The following CNTN6 variants were observed in gnomAD, a reference collection of about 807,000 sequenced individuals.
The protein encoded by CNTN6 is contactin 6, also known as contactin-6.
Under a neutral mutation model 122.8 loss-of-function variants are expected in CNTN6, and 137 were observed. The observed-to-expected ratio is 1.12, with a 90% CI of 0.97 to 1.29. CNTN6 has a LOEUF of 1.29. CNTN6 is among the 50% of genes most tolerant of loss of function. The pLI is 0.00. For synonymous variants in CNTN6, 570 were observed against 426.0 expected, an observed-to-expected ratio of 1.34 and a Z score of -4.16; for missense variants, 1,634 against 1,223.4, an observed-to-expected ratio of 1.34 and a Z score of -5.01.
At chr3:1,266,544 T>A (rs1386412784) in intron 4 of CNTN6, among the ~76,000 whole-genome samples, 1 of 152,246 alleles carries the variant, frequency 6.6e-6, no homozygotes, top group Non-Finnish European at 1.5e-5. Flanking sequence ...CCAGGAGCTC[T>A]GTCCCATTAC....
intron 20 of CNTN6, among the ~76,000 whole-genome samples, chr3:1,387,104 TTATC>T (rs1174590081): frequency 2.0e-5 from 3 of 151,226 alleles, no homozygotes; most frequent in East Asian, 3.8e-4. Flanking sequence ...TTTCATGTTC[TTATC>T]TATTTATTAA....
intron 2 of CNTN6, among the ~76,000 whole-genome samples, chr3:1,186,330 G>C (rs934518483): frequency 3.3e-5 from 5 of 151,974 alleles, no homozygotes; most frequent in Admixed American, 6.6e-5. Context: ...GTTATCGTCA[G>C]CTCAAACCCG....
chr3:1,136,642 G>T (rs2092482521), intron 1 of CNTN6, among the ~76,000 whole-genome samples: 1 of 152,088 alleles, frequency 6.6e-6, no homozygotes, highest in Non-Finnish European at 1.5e-5. Flanking sequence ...ACAACTCAGG[G>T]TGGGAGTCCT....
At chr3:1,298,151 C>G in intron 7 of CNTN6, 160 bp downstream of exon 7, 1 of 582,062 alleles carries the variant, frequency 1.7e-6, no homozygotes, top group African/African-American at 1.9e-5. Flanking sequence ...ACAAACATGT[C>G]TAATACTGAG....
chr3:1,218,522 T>TAA (rs1285877485), intron 2 of CNTN6, among the ~76,000 whole-genome samples: 1 of 150,946 alleles, frequency 6.6e-6, no homozygotes, highest in African/African-American at 2.4e-5. Flanking sequence ...GGTATAGGAG[T>TAA]AAAACTGGGA....
chr3:1,128,565 T>C (rs980549681), intron 1 of CNTN6, among the ~76,000 whole-genome samples: 1 of 152,000 alleles, frequency 6.6e-6, no homozygotes, highest in African/African-American at 2.4e-5. Context: ...AACACTTAAG[T>C]ATATAAATCA....
Position 1,332,286 on chromosome 3 carries a change from A to G in CNTN6, c.1364+2351A>G, listed in dbSNP as rs549619567. Among the ~76,000 whole-genome samples the G allele has an allele frequency of 2.0e-5, 3 of 152,084 alleles. 1 individual carries two copies. In the East Asian group the frequency reaches 5.8e-4, roughly 30 times the overall value. The stretch of plus-strand genomic sequence containing the variant: ...ACTCCATGAGTCTATGTCCCTGCAC[A>G]CTTTCTAGCTTGTCCTTTCTTCTGT... On this transcript the variant is annotated intron_variant, in intron 11 of 22. Transcript: ENST00000446702.
chr3:1,225,241 A>G (rs1044804078), intron 3 of CNTN6, among the ~76,000 whole-genome samples: 10 of 152,246 alleles, frequency 6.6e-5, no homozygotes, highest in Non-Finnish European at 1.2e-4. Flanking sequence ...ATGCAATTCT[A>G]TCAGAAATGT....
At chr3:1,287,645 A>G (rs1222415545) in intron 5 of CNTN6, among the ~76,000 whole-genome samples, 1 of 151,914 alleles carries the variant, frequency 6.6e-6, no homozygotes, top group Non-Finnish European at 1.5e-5. Flanking sequence ...AGATGTGGTA[A>G]AGAAGCCAGC....
At chr3:1,108,720 C>T (rs1023980694) in intron 1 of CNTN6, among the ~76,000 whole-genome samples, 1 of 151,984 alleles carries the variant, frequency 6.6e-6, no homozygotes, top group African/African-American at 2.4e-5. Flanking sequence ...AAATAAATAA[C>T]TGATTTTAGA....
At chr3:1,356,394 T>A (rs1041772246) in intron 12 of CNTN6, among the ~76,000 whole-genome samples, 10 of 151,954 alleles carry the variant, frequency 6.6e-5, no homozygotes, top group Middle Eastern at 3.4e-3. Flanking sequence ...AGTTGTTTAT[T>A]CTTCGTGATA....
chr3:1,314,775 A>G (rs910747985), intron 7 of CNTN6, among the ~76,000 whole-genome samples: 4 of 152,088 alleles, frequency 2.6e-5, no homozygotes, highest in African/African-American at 9.6e-5. Context: ...GGAAAAGAAA[A>G]AAGAAAAACT....
In CNTN6 at chr3:1,404,089, A is replaced by G. The variant is rs984949692; in HGVS notation, c.*671A>G. On this transcript the variant is annotated 3_prime_UTR_variant, in exon 23 of 23. Coordinates refer to ENST00000446702, the MANE Select transcript of CNTN6 (RefSeq NM_001289080.2). ...AATAATCTTCTAACAACTCTGGTAT[A>G]TATTAAGCAATTGCTCATGGCAAAG... 2 of 152,180 alleles carry G rather than the reference A, an allele frequency of 1.3e-5. No individual in the cohort carries two copies. The highest frequency in any genetic ancestry group is 6.6e-5 in the Admixed American group (1 of 15,256). The allele number at this position is 152,180 out of a possible 1,614,324, so 9.4% of individuals were successfully genotyped here.
intron 4 of CNTN6, among the ~76,000 whole-genome samples, chr3:1,257,670 G>A (rs369027853): frequency 4.9e-4 from 75 of 152,196 alleles, no homozygotes; most frequent in African/African-American, 1.8e-3. Context: ...GTAGTTAAGA[G>A]TAAAGTTCCC....
At chr3:1,134,264 C>G (rs1425254643) in intron 1 of CNTN6, among the ~76,000 whole-genome samples, 1 of 152,112 alleles carries the variant, frequency 6.6e-6, no homozygotes, top group Non-Finnish European at 1.5e-5. Context: ...TCTCCCATCT[C>G]AATTTGGAAA....
At chr3:1,271,540 C>A (rs1032421041) in intron 4 of CNTN6, among the ~76,000 whole-genome samples, 1 of 152,140 alleles carries the variant, frequency 6.6e-6, no homozygotes, top group Non-Finnish European at 1.5e-5. Context: ...GTGGGCGGTG[C>A]ATAGCTCTCT....
chr3:1,316,346 A>G (rs892710050), intron 7 of CNTN6, among the ~76,000 whole-genome samples: 5 of 151,872 alleles, frequency 3.3e-5, no homozygotes, highest in Admixed American at 2.6e-4. Context: ...GAAACTTACA[A>G]TCATGGTAGA....
intron 7 of CNTN6, among the ~76,000 whole-genome samples, chr3:1,305,920 A>G (rs1480687033): frequency 6.6e-6 from 1 of 152,204 alleles, no homozygotes; most frequent in African/African-American, 2.4e-5. Flanking sequence ...TTCAGGTGAC[A>G]GAGGAGCTAT....
In CNTN6 at chr3:1,360,957, C is replaced by A. The variant is rs185902148; in HGVS notation, c.1492+8506C>A. Among the ~76,000 whole-genome samples, 5 of 151,730 alleles carry A rather than the reference C, an allele frequency of 3.3e-5. No individual in the cohort carries two copies. The East Asian group carries it at 9.7e-4, about 29-fold the overall frequency. On this transcript the variant is annotated intron_variant, in intron 12 of 22. Transcript: ENST00000446702. ...TTCATTTAAACCCCATATTCAATTG[C>A]CCCAAAATGGTTTCAGCTTCAAGGT...
Sources: allele counts gnomAD v4.1 joint callset (sites outside exome capture counted in the v4.1 genomes callset), GRCh38; gene constraint gnomAD v4.1.1; transcripts MANE v1.5; gene names NCBI Gene and HGNC (gene_info 2026-07-23, HGNC 2026-07-21).